ROBO2: variants seen among roughly 807,000 people sequenced by gnomAD.
The protein encoded by ROBO2 is roundabout guidance receptor 2.
Under a neutral mutation model 160.8 loss-of-function variants are expected in ROBO2, and 53 were observed. The observed-to-expected ratio is 0.33, with a 90% CI of 0.26 to 0.41. The LOEUF is 0.41. Among genes scored for constraint, ROBO2 ranks in the 10% least tolerant of loss-of-function variants. The pLI, the probability that ROBO2 is intolerant of heterozygous loss-of-function variation, is 1.00. For missense variants in ROBO2, 1,577 were observed against 1,722.4 expected, an observed-to-expected ratio of 0.92 and a Z score of 1.49; for synonymous variants, 664 against 611.7, an observed-to-expected ratio of 1.09 and a Z score of -1.26.
At chr3:77,559,421 T>A (rs2093246986) in intron 9 of ROBO2, among the ~76,000 whole-genome samples, 1 of 151,968 alleles carries the variant, frequency 6.6e-6, no homozygotes, top group African/African-American at 2.4e-5. Flanking sequence ...AGCTGGAGAG[T>A]ATATTTTAGT....
At chr3:77,360,595 G>A (rs923134602) in intron 2 of ROBO2, among the ~76,000 whole-genome samples, 40 of 149,730 alleles carry the variant, frequency 2.7e-4, no homozygotes, top group African/African-American at 1.0e-3. Context: ...GAAAATGCTA[G>A]GAGTAATTTT....
chr3:76,058,605 T>C (rs889830168), intron 2 of ROBO2, among the ~76,000 whole-genome samples: 25 of 147,998 alleles, frequency 1.7e-4, no homozygotes, highest in Non-Finnish European at 3.1e-4. Context: ...TTTTTTTTTT[T>C]TTTTTTTTTG....
intron 2 of ROBO2, among the ~76,000 whole-genome samples, chr3:76,586,120 TG>T (rs1295796302): frequency 2.6e-5 from 4 of 152,180 alleles, no homozygotes; most frequent in Non-Finnish European, 5.9e-5. Flanking sequence ...CAGTATTTTT[TG>T]TTAAAGTTTT....
intron 2 of ROBO2, among the ~76,000 whole-genome samples, chr3:75,990,503 A>G (rs1293908022): frequency 6.6e-6 from 1 of 152,186 alleles, no homozygotes; most frequent in Non-Finnish European, 1.5e-5. Context: ...GAGTGCATTA[A>G]TGCTCAATTT....
intron 2 of ROBO2, among the ~76,000 whole-genome samples, chr3:76,909,370 G>A (rs1004791439): frequency 3.3e-5 from 5 of 152,076 alleles, no homozygotes; most frequent in East Asian, 1.9e-4. Context: ...ATGCTAGGAC[G>A]AGAGAAAAAA....
At chr3:76,714,298 C>A (rs577102068) in intron 2 of ROBO2, among the ~76,000 whole-genome samples, 1 of 152,050 alleles carries the variant, frequency 6.6e-6, no homozygotes, top group East Asian at 1.9e-4. Flanking sequence ...GAGGTCTTTG[C>A]TCCAAGAGTT....
chr3:76,091,467 A>G (rs1360282146), intron 2 of ROBO2, among the ~76,000 whole-genome samples: 1 of 152,152 alleles, frequency 6.6e-6, no homozygotes, highest in Non-Finnish European at 1.5e-5. Flanking sequence ...CCTCTCATTC[A>G]TTGCTGCTGG....
At chr3:76,001,949 A>C (rs537934175) in intron 2 of ROBO2, among the ~76,000 whole-genome samples, 2 of 152,362 alleles carry the variant, frequency 1.3e-5, no homozygotes, top group South Asian at 4.1e-4. Context: ...GTTTAAAATC[A>C]TAGATTGATG....
At chr3:76,166,735 G>A (rs143361844) in intron 2 of ROBO2, among the ~76,000 whole-genome samples, 1 of 152,210 alleles carries the variant, frequency 6.6e-6, no homozygotes, top group East Asian at 1.9e-4. Context: ...ATTCAAGGAT[G>A]ACATTCATTT....
Position 76,435,426 on chromosome 3 carries a change from T to A in ROBO2, c.109+497824T>A, listed in dbSNP as rs2076628493. Reference sequence around the variant, plus strand: ...CACCACAGTGACAGAAATTGCTGGATAGGCAAAGTGTCTCTGGGTTCTTTG... The same window carrying A: ...CACCACAGTGACAGAAATTGCTGGAAAGGCAAAGTGTCTCTGGGTTCTTTG... On this transcript the variant is annotated intron_variant, in intron 2 of 26. Transcript: ENST00000487694. The A allele has an allele frequency of 7.7e-6, 6 of 776,232 alleles. No individual in the cohort carries two copies. The African/African-American group carries it at 8.5e-5, about 11-fold the overall frequency. The allele number at this position is 776,232 out of a possible 1,614,324, so 48.1% of individuals were successfully genotyped here. A position where few individuals can be genotyped will look rare whatever the true frequency, so the allele number is the denominator to read the frequency against.
intron 2 of ROBO2, among the ~76,000 whole-genome samples, chr3:76,997,255 G>T (rs983281547): frequency 6.6e-6 from 1 of 152,094 alleles, no homozygotes; most frequent in Non-Finnish European, 1.5e-5. Context: ...GACCATATGT[G>T]TTAAAGCATT....
rs138985874 is a variant in ROBO2, at chr3:77,404,993, C to G, written c.389-72421C>G. ...CCATGTCTTGTGTTCCTTGAACATG[C>G]ACTTCCCTGAAAGCAAAAATCACAG... On this transcript the variant is annotated intron_variant, in intron 2 of 25. Coordinates refer to ENST00000461745, the Ensembl canonical transcript of ROBO2. Among the ~76,000 whole-genome samples the G allele has an allele frequency of 9.9e-5, 15 of 152,258 alleles. No homozygotes were observed. The East Asian group carries it at 2.9e-3, about 29-fold the overall frequency.
chr3:77,323,015 G>GATAAT (rs1209501303), intron 2 of ROBO2, among the ~76,000 whole-genome samples: 10 of 119,606 alleles, frequency 8.4e-5, no homozygotes, highest in African/African-American at 4.0e-4. Flanking sequence ...TTATATTATG[G>GATAAT]ATAATATAAT....
At chr3:76,200,241 G>A (rs1255808745) in intron 2 of ROBO2, among the ~76,000 whole-genome samples, 1 of 152,136 alleles carries the variant, frequency 6.6e-6, no homozygotes, top group Non-Finnish European at 1.5e-5. Flanking sequence ...TGGGTCTGGG[G>A]AAGGAGCAAG....
At chr3:76,047,674 G>A (rs1300739205) in intron 2 of ROBO2, among the ~76,000 whole-genome samples, 1 of 152,156 alleles carries the variant, frequency 6.6e-6, no homozygotes, top group Admixed American at 6.5e-5. Context: ...TAGATGTTCC[G>A]ATAGGCTAGC....
At position 76,222,679 on chromosome 3, in the gene ROBO2, T is replaced by C. The variant is rs562556539; in HGVS notation, c.109+285077T>C. Among the ~76,000 whole-genome samples, 17 of 152,194 alleles carry C rather than the reference T, an allele frequency of 1.1e-4. No individual in the cohort carries two copies. In the South Asian group the frequency reaches 3.5e-3, roughly 32 times the overall value. On this transcript the variant is annotated intron_variant, in intron 2 of 26. Coordinates refer to the ROBO2 transcript ENST00000487694. ...GGGGGAGAGCCCTCTCCTACCCGGC[T>C]CATACCAGACTACTATAACAGATCC... is the stretch of plus-strand genomic sequence containing the variant.
chr3:76,917,480 G>A (rs764618873), intron 2 of ROBO2, among the ~76,000 whole-genome samples: 7 of 152,186 alleles, frequency 4.6e-5, no homozygotes, highest in Non-Finnish European at 1.0e-4. Flanking sequence ...AAACTATTCA[G>A]TGGAATCAGC....
chr3:76,322,205 A>ATATATAT (rs1559761668), intron 2 of ROBO2, among the ~76,000 whole-genome samples: 62 of 97,568 alleles, frequency 6.4e-4, no homozygotes, highest in South Asian at 2.9e-3. Flanking sequence ...TATATATATA[A>ATATATAT]TATACACACA....
intron 2 of ROBO2, among the ~76,000 whole-genome samples, chr3:76,374,910 T>C (rs1426954062): frequency 6.6e-6 from 1 of 151,822 alleles, no homozygotes; most frequent in Non-Finnish European, 1.5e-5. Context: ...AGCATTCTTT[T>C]ATCAGTGTGA....
Sources: gnomAD v4.1 joint callset for allele counts (sites outside exome capture counted in the v4.1 genomes callset) on GRCh38, gnomAD v4.1.1 for gene constraint, MANE v1.5 for transcripts, NCBI Gene and HGNC (gene_info 2026-07-23, HGNC 2026-07-21) for gene names.